The following GPC5 variants were observed in gnomAD, a reference collection of about 807,000 sequenced individuals.
The protein encoded by GPC5 is glypican 5.
Under a neutral mutation model 53.9 loss-of-function variants are expected in GPC5, and 47 were observed. The observed-to-expected ratio is 0.87, with a 90% CI of 0.69 to 1.11. The LOEUF (loss-of-function observed/expected upper bound fraction) is 1.11, where lower values mean the gene tolerates loss of function less well. Ranked by LOEUF, GPC5 falls within the 50% of genes most tolerant of loss-of-function variation. GPC5 has a pLI of 0.00. For missense variants in GPC5, 748 were observed against 713.1 expected, an observed-to-expected ratio of 1.05 and a Z score of -0.56; for synonymous variants, 286 against 263.3, an observed-to-expected ratio of 1.09 and a Z score of -0.84.
At chr13:92,854,333 T>C (rs567822376) in intron 7 of GPC5, among the ~76,000 whole-genome samples, 2 of 148,020 alleles carry the variant, frequency 1.4e-5, no homozygotes, top group Non-Finnish European at 3.0e-5. Context: ...TTACCCCAAC[T>C]GTAGTGATGT....
At chr13:91,950,448 G>C (rs2040016945) in intron 6 of GPC5, among the ~76,000 whole-genome samples, 1 of 146,602 alleles carries the variant, frequency 6.8e-6, no homozygotes, top group Non-Finnish European at 1.5e-5. Flanking sequence ...CAAATCCACA[G>C]GGAACTTTTA....
intron 7 of GPC5, among the ~76,000 whole-genome samples, chr13:92,781,098 G>A (rs776750031): frequency 2.0e-5 from 3 of 152,040 alleles, no homozygotes; most frequent in Non-Finnish European, 2.9e-5. Context: ...CTTAACTGAA[G>A]GAAGCTATTC....
chr13:92,587,223 C>G (rs1473861141), intron 7 of GPC5, among the ~76,000 whole-genome samples: 1 of 152,016 alleles, frequency 6.6e-6, no homozygotes, highest in Non-Finnish European at 1.5e-5. Flanking sequence ...AATTGGCATT[C>G]TATATAAAGA....
intron 6 of GPC5, among the ~76,000 whole-genome samples, chr13:92,114,084 A>G (rs1566440967): frequency 1.3e-5 from 2 of 152,196 alleles, no homozygotes; most frequent in Admixed American, 6.5e-5. Flanking sequence ...TCAAGTAGCC[A>G]TTTACTGGAA....
At chr13:92,378,832 G>GA (rs2139303541) in intron 7 of GPC5, among the ~76,000 whole-genome samples, 1 of 152,086 alleles carries the variant, frequency 6.6e-6, no homozygotes, top group Admixed American at 6.5e-5. Context: ...TAGTACATGA[G>GA]AAAAAAATGA....
At position 92,264,876 on chromosome 13, in the gene GPC5, C is replaced by G. The variant is rs866084524; in HGVS notation, c.1561+119887C>G. Among the ~76,000 whole-genome samples, 303 of 119,262 alleles carry G rather than the reference C, an allele frequency of 2.5e-3. 2 individuals are homozygous for G. The highest frequency in any genetic ancestry group is 0.023 in the East Asian group (98 of 4,230). The allele number at this position is 119,262 out of a possible 152,430, so 78.2% of individuals were successfully genotyped here. On this transcript the variant is annotated intron_variant, in intron 7 of 7. Transcript: ENST00000377067. ...AGGGTCTCTCTCTCTCTCTCTCTCT[C>G]TCTGTGTGTGTGTGTGTGTGTGTGT...
chr13:91,682,514 C>A (rs941061768), intron 2 of GPC5, among the ~76,000 whole-genome samples: 1 of 152,100 alleles, frequency 6.6e-6, no homozygotes, highest in Non-Finnish European at 1.5e-5. Context: ...GAAATTTACA[C>A]GCATGGGACT....
intron 7 of GPC5, among the ~76,000 whole-genome samples, chr13:92,151,941 T>G (rs186446088): frequency 6.6e-6 from 1 of 152,298 alleles, no homozygotes; most frequent in East Asian, 1.9e-4. Context: ...GCAATATTTA[T>G]GAGACAGTGG....
At chr13:91,586,088 A>G (rs2032555826) in intron 2 of GPC5, among the ~76,000 whole-genome samples, 1 of 148,030 alleles carries the variant, frequency 6.8e-6, no homozygotes, top group Admixed American at 7.0e-5. Context: ...CAAGATAAAC[A>G]TTGTCTTGCA....
intron 1 of GPC5, among the ~76,000 whole-genome samples, chr13:91,405,264 G>T (rs1417359171): frequency 6.6e-6 from 1 of 152,152 alleles, no homozygotes; most frequent in Non-Finnish European, 1.5e-5. Context: ...GTGCTGTCCT[G>T]TGTATTGTAG....
At chr13:91,946,423 A>C (rs2039974982) in intron 6 of GPC5, among the ~76,000 whole-genome samples, 1 of 152,150 alleles carries the variant, frequency 6.6e-6, no homozygotes, top group African/African-American at 2.4e-5. Flanking sequence ...TTAGTTTGCT[A>C]TCTGTTTTAG....
At position 92,862,612 on chromosome 13, in the gene GPC5, T is replaced by A. The variant is rs113888210; in HGVS notation, c.1562-3670T>A. Among the ~76,000 whole-genome samples the A allele has an allele frequency of 2.8e-5, 4 of 145,226 alleles. 1 individual carries two copies. Among genetic ancestry groups the A allele is most frequent in the African/African-American group, 1.0e-4 (4 of 38,952 alleles). ...GAAATCTGGTGTCAGATATATCTAGTGGAGATAGATAGACAGATAGATAGA... is the reference window on the plus strand; with the variant it reads ...GAAATCTGGTGTCAGATATATCTAGAGGAGATAGATAGACAGATAGATAGA... On this transcript the variant is annotated intron_variant, in intron 7 of 7. Coordinates refer to ENST00000377067, the MANE Select transcript of GPC5 (RefSeq NM_004466.6).
chr13:91,965,212 C>T (rs1044453249), intron 6 of GPC5, among the ~76,000 whole-genome samples: 1 of 151,942 alleles, frequency 6.6e-6, no homozygotes, highest in Non-Finnish European at 1.5e-5. Flanking sequence ...TACACATGTA[C>T]CCAGAACTTA....
intron 5 of GPC5, among the ~76,000 whole-genome samples, chr13:91,896,142 CAG>C (rs1175573462): frequency 7.1e-6 from 1 of 140,726 alleles, no homozygotes; most frequent in Non-Finnish European, 1.5e-5. Flanking sequence ...TTTTTTGAGG[CAG>C]AGTCTCGCTC....
chr13:92,735,651 T>G (rs1293521818), intron 7 of GPC5, among the ~76,000 whole-genome samples: 1 of 151,974 alleles, frequency 6.6e-6, no homozygotes, highest in African/African-American at 2.4e-5. Flanking sequence ...CTAAATAAAC[T>G]CAAGCCCATG....
intron 6 of GPC5, among the ~76,000 whole-genome samples, chr13:91,937,392 G>T (rs562438768): frequency 6.6e-6 from 1 of 152,032 alleles, no homozygotes; most frequent in South Asian, 2.1e-4. Context: ...ATTAGATTTA[G>T]CTGAGCTTTT....
rs55873213 is a variant in GPC5, at chr13:91,698,587, A to G, written c.1020+4706A>G. ...ATATATTTTCCTACAATATGGATGT[A>G]TGTGAGATTTTGCAAAAATAAGTAC... is the stretch of plus-strand genomic sequence containing the variant. On this transcript the variant is annotated intron_variant, in intron 3 of 7. Transcript: ENST00000377067. Among the ~76,000 whole-genome samples, 456 of 152,328 alleles carry G rather than the reference A, an allele frequency of 3.0e-3. 3 individuals are homozygous for G. The highest frequency in any genetic ancestry group is 5.3e-3 in the Non-Finnish European group (360 of 68,024).
At chr13:92,656,965 TAAA>T (rs1886158192) in intron 7 of GPC5, among the ~76,000 whole-genome samples, 1 of 152,102 alleles carries the variant, frequency 6.6e-6, no homozygotes, top group South Asian at 2.1e-4. Flanking sequence ...GACCCTGTCT[TAAA>T]AAGAAAAAAG....
chr13:92,391,544 A>G (rs748578971), intron 7 of GPC5, among the ~76,000 whole-genome samples: 4 of 152,182 alleles, frequency 2.6e-5, no homozygotes, highest in Admixed American at 6.6e-5. Context: ...ATCCTTCCCA[A>G]GTATAATGGA....
Sources: allele counts gnomAD v4.1 joint callset (sites outside exome capture counted in the v4.1 genomes callset), GRCh38; gene constraint gnomAD v4.1.1; transcripts MANE v1.5; gene names NCBI Gene and HGNC (gene_info 2026-07-23, HGNC 2026-07-21).